The following NCKAP5 variants were observed in gnomAD, a reference collection of about 807,000 sequenced individuals.
NCKAP5 encodes the protein nck-associated protein 5.
NCKAP5 carries 92 observed loss-of-function variants against 167.0 expected under a neutral mutation model. The ratio of observed to expected loss-of-function variants is 0.55; its 90% CI spans 0.47 to 0.66. NCKAP5 has a LOEUF of 0.66. Among genes scored for constraint, NCKAP5 ranks in the 30% least tolerant of loss-of-function variants. NCKAP5 has a pLI of 0.00. For missense variants in NCKAP5, 2,378 were observed against 2,315.0 expected (o/e 1.03, Z -0.56); for synonymous variants, 891 against 877.4 (o/e 1.02, Z -0.27).
chr2:133,148,906 A>G (rs539885604), intron 5 of NCKAP5, among the ~76,000 whole-genome samples: 7 of 152,132 alleles, frequency 4.6e-5, no homozygotes, highest in South Asian at 2.1e-4. Flanking sequence ...GTCCATAACA[A>G]TTGCTCAGAA....
chr2:133,472,686 T>C (rs1321247762), intron 3 of NCKAP5, among the ~76,000 whole-genome samples: 1 of 152,138 alleles, frequency 6.6e-6, no homozygotes, highest in Non-Finnish European at 1.5e-5. Flanking sequence ...TCACATTAAC[T>C]CCTCAAATAT....
At chr2:133,431,175 A>G (rs1690137665) in intron 3 of NCKAP5, among the ~76,000 whole-genome samples, 1 of 152,190 alleles carries the variant, frequency 6.6e-6, no homozygotes, top group Non-Finnish European at 1.5e-5. Context: ...TGAGACAGAT[A>G]GGAAACTAGC....
chr2:133,478,551 T>C (rs1680147868), intron 3 of NCKAP5, among the ~76,000 whole-genome samples: 1 of 152,080 alleles, frequency 6.6e-6, no homozygotes, highest in Non-Finnish European at 1.5e-5. Flanking sequence ...TGGGTAAAGA[T>C]CGAATCAATT....
At chr2:133,655,804 T>C in the NCKAP5 span, among the ~76,000 whole-genome samples, 1 of 152,306 alleles carries the variant, frequency 6.6e-6, no homozygotes, top group African/African-American at 2.4e-5. Flanking sequence ...ATGAGGCACA[T>C]ATTATAGTTC....
intron 6 of NCKAP5, among the ~76,000 whole-genome samples, chr2:133,070,526 G>A (rs992759736): frequency 2.0e-5 from 3 of 152,090 alleles, no homozygotes; most frequent in African/African-American, 7.2e-5. Flanking sequence ...CATTTCCTAG[G>A]GAGGTCAAGT....
chr2:133,443,160 A>G (rs1222794505), intron 3 of NCKAP5, among the ~76,000 whole-genome samples: 1 of 152,318 alleles, frequency 6.6e-6, no homozygotes, highest in Non-Finnish European at 1.5e-5. Context: ...GTTCAGGTTT[A>G]TGGGACTATG....
intron 11 of NCKAP5, among the ~76,000 whole-genome samples, chr2:132,852,250 T>C (rs1236714361): frequency 1.3e-5 from 2 of 152,204 alleles, no homozygotes; most frequent in Non-Finnish European, 2.9e-5. Context: ...GTTTGAAATA[T>C]GATAAAAATA....
At chr2:133,574,654 CATAAT>C in the NCKAP5 span, among the ~76,000 whole-genome samples, 1 of 144,188 alleles carries the variant, frequency 6.9e-6, no homozygotes, top group Non-Finnish European at 1.5e-5. Flanking sequence ...TGTGCACACA[CATAAT>C]ATAAATTCTT....
At chr2:132,947,470 T>C (rs1237739135) in intron 8 of NCKAP5, among the ~76,000 whole-genome samples, 2 of 152,180 alleles carry the variant, frequency 1.3e-5, no homozygotes, top group East Asian at 3.9e-4. Context: ...ATAAAGTGAT[T>C]CCTTCAGCAG....
At position 132,963,633 on chromosome 2, in the gene NCKAP5, T is replaced by C; in HGVS notation, c.579+87A>G. ...GTCTGGGAGAACTCAAAAGGGAAGA[T>C]TTATACTCACTCAAAACCAGTGCCA... On this transcript the variant is annotated intron_variant, in intron 8 of 19. Transcript: ENST00000409261. 3 of 1,371,176 alleles carry C rather than the reference T, an allele frequency of 2.2e-6. No individual in the cohort carries two copies. The South Asian group carries it at 3.8e-5, about 17-fold the overall frequency. 84.9% of individuals were successfully genotyped at this position (1,371,176 alleles called of 1,614,324 possible). A position where few individuals can be genotyped will look rare whatever the true frequency, so the allele number is the denominator to read the frequency against.
intron 3 of NCKAP5, among the ~76,000 whole-genome samples, chr2:133,513,682 T>G (rs528385678): frequency 3.9e-5 from 6 of 152,312 alleles, no homozygotes; most frequent in Non-Finnish European, 8.8e-5. Context: ...CTTTTTTTCC[T>G]CTACAAGCTT....
chr2:132,879,009 G>A (rs1230935177), intron 8 of NCKAP5, 93 bp from the exon 9 acceptor site: 5 of 971,124 alleles, frequency 5.1e-6, no homozygotes, highest in South Asian at 4.1e-5. Flanking sequence ...ATATCTCCTC[G>A]TGATCCAAAA....
chr2:133,671,203 A>G, the NCKAP5 span, among the ~76,000 whole-genome samples: 1 of 143,288 alleles, frequency 7.0e-6, no homozygotes, highest in Non-Finnish European at 1.5e-5. Context: ...CAACATAGCA[A>G]GACTCCGTCT....
chr2:132,813,891 C>A (rs1686072332), intron 11 of NCKAP5, among the ~76,000 whole-genome samples: 1 of 152,142 alleles, frequency 6.6e-6, no homozygotes, highest in Non-Finnish European at 1.5e-5. Context: ...CCACTGGGAC[C>A]TTCACAGCCT....
At chr2:133,412,250 G>A (rs961672892) in intron 3 of NCKAP5, among the ~76,000 whole-genome samples, 5 of 152,244 alleles carry the variant, frequency 3.3e-5, no homozygotes, top group East Asian at 1.9e-4. Context: ...TCTGCCATGC[G>A]GGGATAATGA....
the NCKAP5 span, among the ~76,000 whole-genome samples, chr2:133,671,266 T>C: frequency 1.6e-5 from 2 of 128,158 alleles, no homozygotes; most frequent in East Asian, 2.3e-4. Context: ...CTTGTTTTGG[T>C]GGAGGAGATG....
At chr2:133,548,255 G>A (rs1014584088) in intron 2 of NCKAP5, among the ~76,000 whole-genome samples, 138 of 152,152 alleles carry the variant, frequency 9.1e-4, no homozygotes, top group Non-Finnish European at 1.4e-3. Flanking sequence ...CATCTGATTG[G>A]TGTACCTGAA....
chr2:133,261,276 A>G (rs191672592), intron 4 of NCKAP5, among the ~76,000 whole-genome samples: 49 of 152,338 alleles, frequency 3.2e-4, no homozygotes, highest in African/African-American at 1.1e-3. Context: ...AACGATTCAA[A>G]GTACCAGCAA....
chr2:132,883,243 C>T (rs1326646522), intron 8 of NCKAP5, among the ~76,000 whole-genome samples: 1 of 149,030 alleles, frequency 6.7e-6, no homozygotes, highest in Non-Finnish European at 1.5e-5. Context: ...CACACGACAC[C>T]CACCATGTCC....
Sources: allele counts gnomAD v4.1 joint callset (sites outside exome capture counted in the v4.1 genomes callset), GRCh38; gene constraint gnomAD v4.1.1; transcripts MANE v1.5; gene names NCBI Gene and HGNC (gene_info 2026-07-23, HGNC 2026-07-21).